The following APCDD1L variants were observed in gnomAD, a reference collection of about 807,000 sequenced individuals.
APCDD1L encodes the protein protein APCDD1-like.
Under a neutral mutation model 24.2 loss-of-function variants are expected in APCDD1L, and 21 were observed. That is an observed-to-expected ratio of 0.87 (90% CI 0.61 to 1.25). The LOEUF is 1.25. Ranked by LOEUF, APCDD1L falls within the 50% of genes most tolerant of loss-of-function variation. The pLI is 0.00. For synonymous variants in APCDD1L, 321 were observed against 323.6 expected (o/e 0.99, Z 0.09); for missense variants, 704 against 711.7 (o/e 0.99, Z 0.12).
chr20:58,493,186 T>C (rs577245701), intron 1 of APCDD1L, among the ~76,000 whole-genome samples: 29 of 152,378 alleles, frequency 1.9e-4, no homozygotes, highest in African/African-American at 7.0e-4. Flanking sequence ...TCACAGTGCA[T>C]GCACACAGGC....
At chr20:58,485,735 C>T (rs1242721337) in intron 1 of APCDD1L, among the ~76,000 whole-genome samples, 1 of 152,206 alleles carries the variant, frequency 6.6e-6, no homozygotes, top group Non-Finnish European at 1.5e-5. Context: ...TTCTGCAATA[C>T]AGCTTATCTG....
rs781742168 is a variant in APCDD1L at position 58,460,871 on chromosome 20, G to A, written c.1425C>T (p.His475=). ...PPQHRPSLQK[H]PSTGGLHIAP... Reference sequence around the variant, plus strand: ...CTATGTGAAGACCCCCTGTGCTGGGGTGCTTCTGCAGCGATGGCCTGTGCT... The same window carrying A: ...CTATGTGAAGACCCCCTGTGCTGGGATGCTTCTGCAGCGATGGCCTGTGCT... The change falls in exon 4 of 4, where the codon CAC becomes CAT. Residue 475 remains histidine, a synonymous_variant. Coordinates refer to ENST00000371149, the MANE Select transcript of APCDD1L (RefSeq NM_153360.3). This position sits in a 1 kb window ranked among gnomAD's most constrained non-coding sequence, Gnocchi z 4.2. 1 of 1,586,854 alleles carries A rather than the reference G, an allele frequency of 6.3e-7. No homozygotes were observed. The highest frequency in any genetic ancestry group is 1.1e-5 in the South Asian group (1 of 87,290).
chr20:58,483,910 G>A (rs1251804380), intron 1 of APCDD1L, among the ~76,000 whole-genome samples: 2 of 152,216 alleles, frequency 1.3e-5, no homozygotes, highest in African/African-American at 4.8e-5. Flanking sequence ...TGGAGAGGCA[G>A]AGTCCCCAGG....
chr20:58,495,229 T>C (rs1990298999), intron 1 of APCDD1L, among the ~76,000 whole-genome samples: 1 of 152,220 alleles, frequency 6.6e-6, no homozygotes, highest in Non-Finnish European at 1.5e-5. Context: ...TGGCCTCGTT[T>C]GAGGGCCCAG....
In APCDD1L at chr20:58,494,084, G is replaced by C. The variant is rs989187125; in HGVS notation, c.49+20575C>G. 1.3e-5 allele frequency among the ~76,000 whole-genome samples: 2 copies of C among 152,148 alleles called. No individual in the cohort carries two copies. The highest frequency in any genetic ancestry group is 4.8e-5 in the African/African-American group (2 of 41,432). On this transcript the variant is annotated intron_variant, in intron 1 of 3. Transcript: ENST00000371149. The surrounding 1 kb of genome is among the most constrained non-coding windows in gnomAD (Gnocchi z 4.8). ...AAAACATATTTAGGATTCATTAGCT[G>C]GAAGCGGATCATCATAAAGGTCTTC...
At chr20:58,498,728 T>C (rs1990372987) in intron 1 of APCDD1L, among the ~76,000 whole-genome samples, 1 of 152,220 alleles carries the variant, frequency 6.6e-6, no homozygotes, top group Admixed American at 6.5e-5. Flanking sequence ...GCCTCCCTGG[T>C]TGCGGGTGCT....
intron 1 of APCDD1L, among the ~76,000 whole-genome samples, chr20:58,509,974 C>G (rs1990596940): frequency 6.6e-6 from 1 of 152,124 alleles, no homozygotes; most frequent in Non-Finnish European, 1.5e-5. Context: ...CCCCTTGGTC[C>G]CTCACTCTCT....
At chr20:58,492,062 G>A (rs898552260) in intron 1 of APCDD1L, among the ~76,000 whole-genome samples, 2 of 152,224 alleles carry the variant, frequency 1.3e-5, no homozygotes, top group Admixed American at 6.5e-5. Flanking sequence ...CTTCCAATGG[G>A]CGGGGGGAGG....
intron 1 of APCDD1L, among the ~76,000 whole-genome samples, chr20:58,471,967 G>T (rs907287826): frequency 6.6e-6 from 1 of 152,176 alleles, no homozygotes; most frequent in African/African-American, 2.4e-5. Context: ...GGGGTTGGGG[G>T]CTGAGTTGAG....
At chr20:58,470,025 G>T (rs949666255) in intron 2 of APCDD1L, among the ~76,000 whole-genome samples, 5 of 152,226 alleles carry the variant, frequency 3.3e-5, no homozygotes, top group African/African-American at 1.2e-4. Flanking sequence ...AATGTCGAGT[G>T]AGCCTGTCAG....
At chr20:58,490,424 G>A (rs2123168653) in intron 1 of APCDD1L, among the ~76,000 whole-genome samples, 1 of 152,344 alleles carries the variant, frequency 6.6e-6, no homozygotes, top group South Asian at 2.1e-4. Context: ...GTAGGAGAGT[G>A]AGAAACAGGG....
chr20:58,512,726 A>G (rs1990651461), intron 1 of APCDD1L, among the ~76,000 whole-genome samples: 1 of 152,168 alleles, frequency 6.6e-6, no homozygotes, highest in Non-Finnish European at 1.5e-5. Flanking sequence ...CTTTTACTAA[A>G]GCAAAAGGAT....
Position 58,460,601 on chromosome 20 carries a change from T to G in APCDD1L, c.*189A>C. 1 of 631,888 alleles carries G rather than the reference T, an allele frequency of 1.6e-6. No individual in the cohort carries two copies. The highest frequency in any genetic ancestry group is 2.4e-6 in the Non-Finnish European group (1 of 415,194). The allele number at this position is 631,888 out of a possible 1,614,324, so 39.1% of individuals were successfully genotyped here. On this transcript the variant is annotated 3_prime_UTR_variant, in exon 4 of 4. Coordinates refer to ENST00000371149, the MANE Select transcript of APCDD1L (RefSeq NM_153360.3). This position sits in a 1 kb window ranked among gnomAD's most constrained non-coding sequence, Gnocchi z 4.2. ...TGGGGACCCGGGCTGTGGGATGTGG[T>G]ATAGGCTTTGCAGGGGTTAAGCTCA... is the stretch of plus-strand genomic sequence containing the variant.
At position 58,461,160 on chromosome 20, in the gene APCDD1L, C is replaced by T. The variant is rs751843384; in HGVS notation, c.1136G>A (p.Cys379Tyr). The T allele has an allele frequency of 6.2e-7, 1 of 1,613,078 alleles. No homozygotes were observed. Among genetic ancestry groups the T allele is most frequent in the Non-Finnish European group, 8.5e-7 (1 of 1,179,396 alleles). The part of the protein sequence containing the change: ...AMLNFSEPSS[C>Y]GGAGAWSMGT... ...CATGGACCAGGCCCCCGCACCCCCA[C>T]AGCTGCTTGGCTCAGAGAAGTTGAG... Residue 379 changes from cysteine (C) to tyrosine (Y), a missense_variant, in exon 4 of 4, where the codon TGT (cysteine) becomes TAT (tyrosine). Physicochemically the swap from Cys to Tyr is radical, Grantham distance 194. Coordinates refer to ENST00000371149, the MANE Select transcript of APCDD1L (RefSeq NM_153360.3). This position sits in a 1 kb window ranked among gnomAD's most constrained non-coding sequence, Gnocchi z 6.0.
intron 1 of APCDD1L, among the ~76,000 whole-genome samples, chr20:58,513,436 T>C (rs976322259): frequency 4.6e-5 from 7 of 152,124 alleles, no homozygotes; most frequent in Admixed American, 6.5e-5. Context: ...CAGGTGAATC[T>C]GCAACTCTTC....
rs1442779239 is a variant in APCDD1L, at chr20:58,467,719, C to A, written c.189-61G>T. 4 of 1,377,666 alleles carry A rather than the reference C, an allele frequency of 2.9e-6. No homozygotes were observed. Among genetic ancestry groups the A allele is most frequent in the Non-Finnish European group, 3.8e-6 (4 of 1,060,700 alleles). 85.3% of individuals were successfully genotyped at this position (1,377,666 alleles called of 1,614,324 possible). A position where few individuals can be genotyped will look rare whatever the true frequency, so the allele number is the denominator to read the frequency against. ...GGAACACCGCGCCGCGAGCCCCTCT[C>A]CCCTCTGGGCTGGGCTCCTTTCTCC... On this transcript the variant is annotated intron_variant, in intron 2 of 3. Transcript: ENST00000371149. This position sits in a 1 kb window ranked among gnomAD's most constrained non-coding sequence, Gnocchi z 5.9.
intron 3 of APCDD1L, among the ~76,000 whole-genome samples, chr20:58,462,631 G>A (rs745430450): frequency 2.6e-5 from 4 of 152,192 alleles, no homozygotes; most frequent in Admixed American, 6.5e-5. Flanking sequence ...ATCACTTGAG[G>A]TCAGGAATTC....
rs557684654 is a variant in APCDD1L, at chr20:58,495,627, G to A, written c.49+19032C>T. 3.3e-5 allele frequency among the ~76,000 whole-genome samples: 5 copies of A among 152,296 alleles called. No individual in the cohort carries two copies. In the East Asian group the frequency reaches 9.7e-4, roughly 30 times the overall value. Reference sequence around the variant, plus strand: ...TCAGGCCCTGCCCCTTCTGAGTGAGGTGGCTTTGGGTAAGAAGCCTCAGTG... The same window carrying A: ...TCAGGCCCTGCCCCTTCTGAGTGAGATGGCTTTGGGTAAGAAGCCTCAGTG... On this transcript the variant is annotated intron_variant, in intron 1 of 3. Transcript: ENST00000371149.
chr20:58,484,135 G>C (rs974173024), intron 1 of APCDD1L, among the ~76,000 whole-genome samples: 1 of 152,198 alleles, frequency 6.6e-6, no homozygotes, highest in Non-Finnish European at 1.5e-5. Context: ...AGAGAAGAGG[G>C]TCAAAACCAG....
Sources: allele counts gnomAD v4.1 joint callset (sites outside exome capture counted in the v4.1 genomes callset), GRCh38; gene constraint gnomAD v4.1.1; non-coding constraint Gnocchi (gnomAD v3.1); transcripts MANE v1.5; gene names NCBI Gene and HGNC (gene_info 2026-07-23, HGNC 2026-07-21).